The following CSMD1 variants were observed in gnomAD, a reference collection of about 807,000 sequenced individuals.
The protein encoded by CSMD1 is CUB and Sushi multiple domains 1.
In CSMD1, 213 loss-of-function variants were observed where a neutral mutation model predicts 417.5. The ratio of observed to expected loss-of-function variants is 0.51; its 90% CI spans 0.46 to 0.57. The LOEUF is 0.57. Among genes scored for constraint, CSMD1 ranks in the 20% least tolerant of loss-of-function variants. CSMD1 has a pLI of 0.00. For missense variants in CSMD1, 6,923 were observed against 4,529.7 expected, an observed-to-expected ratio of 1.53 and a Z score of -15.17; for synonymous variants, 2,862 against 1,736.8, an observed-to-expected ratio of 1.65 and a Z score of -16.11.
chr8:3,540,291 T>G (rs1798383896), intron 10 of CSMD1, among the ~76,000 whole-genome samples: 1 of 152,196 alleles, frequency 6.6e-6, no homozygotes, highest in Non-Finnish European at 1.5e-5. Flanking sequence ...CAAACAGAGT[T>G]GAATAGGTGA....
chr8:2,978,497 T>G (rs1248885701), intron 55 of CSMD1, 115 bp downstream of exon 55: 3 of 786,610 alleles, frequency 3.8e-6, no homozygotes, highest in Non-Finnish European at 6.0e-6. Context: ...CAATTGGTGA[T>G]GGGAGGACAG....
chr8:4,765,443 G>T (rs539775654), intron 1 of CSMD1, among the ~76,000 whole-genome samples: 1 of 152,158 alleles, frequency 6.6e-6, no homozygotes, highest in Non-Finnish European at 1.5e-5. Flanking sequence ...GTTTCAAAGC[G>T]TAATTCAATT....
intron 3 of CSMD1, among the ~76,000 whole-genome samples, chr8:4,248,292 A>T (rs1347310572): frequency 6.6e-6 from 1 of 152,110 alleles, no homozygotes; most frequent in Non-Finnish European, 1.5e-5. Context: ...TTATACAAAC[A>T]ATCTGAATTT....
chr8:4,969,974 G>A lies in CSMD1; in HGVS notation c.85+24358C>T, dbSNP rs150279573. On this transcript the variant is annotated intron_variant, in intron 1 of 69. Coordinates refer to ENST00000635120, the MANE Select transcript of CSMD1 (RefSeq NM_033225.6). The stretch of plus-strand genomic sequence containing the variant: ...TGAAACATTTGTGTATTTTACATAC[G>A]TACCATGCCTTCCATGGTCCGTATA... Among the ~76,000 whole-genome samples, 159 of 151,466 alleles carry A rather than the reference G, an allele frequency of 1.0e-3. 3 individuals are homozygous for A. The East Asian group carries it at 0.014, about 13-fold the overall frequency.
At chr8:3,919,817 G>T (rs2975327) in intron 5 of CSMD1, among the ~76,000 whole-genome samples, 63,985 of 151,652 alleles carry the variant, frequency 0.42, 13,890 homozygotes, top group East Asian at 0.71. Flanking sequence ...CATAAATATT[G>T]TATAATTTTC....
At chr8:4,577,617 A>G (rs1028325443) in intron 2 of CSMD1, among the ~76,000 whole-genome samples, 2 of 152,148 alleles carry the variant, frequency 1.3e-5, no homozygotes, top group Non-Finnish European at 2.9e-5. Flanking sequence ...TCACCAGGTA[A>G]GTCTTACTCT....
chr8:3,847,458 C>T lies in CSMD1; in HGVS notation c.819-93416G>A, dbSNP rs1247127658. Among the ~76,000 whole-genome samples the T allele has an allele frequency of 6.6e-5, 10 of 152,236 alleles. No individual in the cohort carries two copies. In the East Asian group the frequency reaches 1.9e-3, roughly 30 times the overall value. On this transcript the variant is annotated intron_variant, in intron 5 of 69. Coordinates refer to ENST00000635120, the MANE Select transcript of CSMD1 (RefSeq NM_033225.6). ...TGGGCAGTTTTGGGGTCCTGAGCAT[C>T]TCAGCCCTATACTTGCAAGGAGCTG...
intron 4 of CSMD1, among the ~76,000 whole-genome samples, chr8:4,008,592 CTTTTT>C (rs1201409236): frequency 2.2e-4 from 19 of 86,596 alleles, no homozygotes; most frequent in East Asian, 6.9e-4. Flanking sequence ...TATTTTCTTT[CTTTTT>C]TTCTTTTTTT....
At chr8:4,436,042 T>C (rs970676670) in intron 2 of CSMD1, among the ~76,000 whole-genome samples, 29 of 152,250 alleles carry the variant, frequency 1.9e-4, no homozygotes, top group Admixed American at 1.8e-3. Flanking sequence ...TAAGACCCAA[T>C]CAAGATCATT....
At chr8:4,467,937 G>T (rs1294299918) in intron 2 of CSMD1, among the ~76,000 whole-genome samples, 1 of 152,116 alleles carries the variant, frequency 6.6e-6, no homozygotes, top group East Asian at 1.9e-4. Context: ...TTCCATTCCT[G>T]AACTAACAAA....
chr8:3,798,703 C>G (rs972758738), intron 5 of CSMD1, among the ~76,000 whole-genome samples: 2 of 151,994 alleles, frequency 1.3e-5, no homozygotes, highest in African/African-American at 4.8e-5. Context: ...TACACATGTA[C>G]AAACATAACT....
At chr8:4,220,347 G>C (rs1448373297) in intron 3 of CSMD1, among the ~76,000 whole-genome samples, 1 of 152,184 alleles carries the variant, frequency 6.6e-6, no homozygotes, top group Admixed American at 6.5e-5. Flanking sequence ...ATGTACAACA[G>C]CAGGAAAGAG....
intron 3 of CSMD1, among the ~76,000 whole-genome samples, chr8:4,105,865 C>A (rs1055342075): frequency 2.6e-5 from 4 of 152,220 alleles, no homozygotes; most frequent in Non-Finnish European, 5.9e-5. Context: ...CCCGGGACAA[C>A]AGAGCAGACA....
chr8:4,300,118 C>G (rs1012494975), intron 3 of CSMD1, among the ~76,000 whole-genome samples: 3 of 152,188 alleles, frequency 2.0e-5, no homozygotes, highest in Non-Finnish European at 1.5e-5. Context: ...TAGGTAACAT[C>G]AGCTGAGTGC....
intron 2 of CSMD1, among the ~76,000 whole-genome samples, chr8:4,505,072 G>C (rs1018802501): frequency 1.3e-5 from 2 of 152,102 alleles, no homozygotes; most frequent in Non-Finnish European, 2.9e-5. Context: ...CTTCCACAAT[G>C]GTTGAACTAA....
intron 50 of CSMD1, among the ~76,000 whole-genome samples, chr8:3,035,970 G>T (rs115735366): frequency 0.013 from 1,963 of 152,164 alleles, 46 homozygotes; most frequent in African/African-American, 0.044. Context: ...ATTTGACATG[G>T]TTAATACCAT....
At chr8:3,925,242 T>C (rs1451715262) in intron 5 of CSMD1, among the ~76,000 whole-genome samples, 2 of 152,216 alleles carry the variant, frequency 1.3e-5, no homozygotes, top group South Asian at 2.1e-4. Flanking sequence ...CAGCGACCTA[T>C]AAGTAATGCA....
chr8:4,727,616 T>C (rs188582061), intron 1 of CSMD1, among the ~76,000 whole-genome samples: 2 of 152,232 alleles, frequency 1.3e-5, no homozygotes, highest in East Asian at 1.9e-4. Context: ...GACTTCCAAG[T>C]TTATATTTCC....
intron 2 of CSMD1, among the ~76,000 whole-genome samples, chr8:4,607,799 G>C (rs1000010049): frequency 6.6e-6 from 1 of 152,146 alleles, no homozygotes; most frequent in Admixed American, 6.5e-5. Flanking sequence ...CCTTTCTTGA[G>C]TGTGTACTTT....
Sources: allele counts gnomAD v4.1 joint callset (sites outside exome capture counted in the v4.1 genomes callset), GRCh38; gene constraint gnomAD v4.1.1; transcripts MANE v1.5; gene names NCBI Gene and HGNC (gene_info 2026-07-23, HGNC 2026-07-21).